GRIA4: variants seen among roughly 807,000 people sequenced by gnomAD.
The protein encoded by GRIA4 is glutamate ionotropic receptor AMPA type subunit 4, also known as glutamate receptor 4.
A neutral mutation model predicts 104.0 loss-of-function variants in GRIA4; 34 were observed. That is an observed-to-expected ratio of 0.33 (90% CI 0.25 to 0.44). The LOEUF is 0.44. Among genes scored for constraint, GRIA4 ranks in the 20% least tolerant of loss-of-function variants. The probability of loss-of-function intolerance (pLI) is 1.00; values close to 1 mark genes in which losing one functional copy is unlikely to be tolerated. For synonymous variants in GRIA4, 386 were observed against 381.9 expected (o/e 1.01, Z -0.13); for missense variants, 750 against 1,096.5 (o/e 0.68, Z 4.46).
At chr11:105,738,929 A>AT (rs1939128915) in intron 3 of GRIA4, among the ~76,000 whole-genome samples, 1 of 114,438 alleles carries the variant, frequency 8.7e-6, no homozygotes, top group Non-Finnish European at 2.0e-5. Context: ...GTAAAAAAAA[A>AT]CAAAAAAAAA....
intron 4 of GRIA4, among the ~76,000 whole-genome samples, chr11:105,769,365 T>C (rs1011395549): frequency 6.6e-6 from 1 of 152,032 alleles, no homozygotes; most frequent in Non-Finnish European, 1.5e-5. Context: ...TGAGTAGATC[T>C]TAAAGACTAA....
intron 4 of GRIA4, among the ~76,000 whole-genome samples, chr11:105,754,887 A>G (rs1033317537): frequency 2.6e-5 from 4 of 152,226 alleles, no homozygotes; most frequent in African/African-American, 9.6e-5. Flanking sequence ...CAATATCTCA[A>G]TAAATTTTGT....
At chr11:105,813,161 G>A (rs1943247492) in intron 4 of GRIA4, among the ~76,000 whole-genome samples, 1 of 150,986 alleles carries the variant, frequency 6.6e-6, no homozygotes, top group African/African-American at 2.4e-5. Context: ...TCCTCATCTA[G>A]GCTGGGAAAT....
At chr11:105,696,145 C>T (rs945072443) in intron 3 of GRIA4, among the ~76,000 whole-genome samples, 2 of 152,194 alleles carry the variant, frequency 1.3e-5, no homozygotes, top group Admixed American at 1.3e-4. Flanking sequence ...CCCACCTCAT[C>T]TTCCTTGGGT....
chr11:105,949,708 G>C (rs544460957), intron 14 of GRIA4, among the ~76,000 whole-genome samples: 2 of 152,166 alleles, frequency 1.3e-5, no homozygotes, highest in African/African-American at 4.8e-5. Context: ...AAAATGTTAA[G>C]AAATTCAGAA....
At chr11:105,780,246 C>T (rs1357035089) in intron 4 of GRIA4, among the ~76,000 whole-genome samples, 1 of 152,104 alleles carries the variant, frequency 6.6e-6, no homozygotes, top group Non-Finnish European at 1.5e-5. Flanking sequence ...GATGCAGGCT[C>T]TGTTGTTAGT....
At chr11:105,689,005 A>C (rs141104820) in intron 3 of GRIA4, among the ~76,000 whole-genome samples, 1 of 152,302 alleles carries the variant, frequency 6.6e-6, no homozygotes, top group African/African-American at 2.4e-5. Context: ...CTGGCAGATG[A>C]AAAGCAAGGG....
chr11:105,707,145 C>T (rs141057123), intron 3 of GRIA4: 2 of 153,484 alleles, frequency 1.3e-5, no homozygotes, highest in African/African-American at 4.8e-5. Flanking sequence ...AGTCAGAACC[C>T]CTGGCTTTGA....
chr11:105,807,406 T>C (rs1942996220), intron 4 of GRIA4, among the ~76,000 whole-genome samples: 1 of 151,876 alleles, frequency 6.6e-6, no homozygotes, highest in Admixed American at 6.6e-5. Context: ...AGTCAAGATA[T>C]AGCAGTACAA....
At chr11:105,902,672 T>C (rs954860274) in intron 7 of GRIA4, among the ~76,000 whole-genome samples, 4 of 152,174 alleles carry the variant, frequency 2.6e-5, no homozygotes, top group African/African-American at 9.7e-5. Flanking sequence ...TCAAATGATT[T>C]TTCTTCATTT....
chr11:105,836,404 G>A (rs1944187637), intron 4 of GRIA4, among the ~76,000 whole-genome samples: 1 of 152,068 alleles, frequency 6.6e-6, no homozygotes, highest in African/African-American at 2.4e-5. Context: ...ATTCCACTGA[G>A]AATAATCATG....
chr11:105,806,345 T>G (rs1203442233), intron 4 of GRIA4, among the ~76,000 whole-genome samples: 3 of 151,684 alleles, frequency 2.0e-5, no homozygotes, highest in Non-Finnish European at 4.4e-5. Context: ...AACAGAGAGA[T>G]AGAACAAAGG....
At chr11:105,876,772 T>A (rs980099424) in intron 5 of GRIA4, among the ~76,000 whole-genome samples, 1 of 152,176 alleles carries the variant, frequency 6.6e-6, no homozygotes, top group African/African-American at 2.4e-5. Context: ...GCTTGATAAA[T>A]CTTCCTCCAT....
Position 105,924,670 on chromosome 11 carries a change from A to G in GRIA4, c.1748A>G (p.Glu583Gly). The G allele has an allele frequency of 6.2e-7, 1 of 1,613,098 alleles. No individual in the cohort carries two copies. Among genetic ancestry groups the G allele is most frequent in the Non-Finnish European group, 8.5e-7 (1 of 1,179,410 alleles). ...ACAGAAGAGCCAGAGGACGGAAAGGAAGGACCCAGCGACCAGCCTCCCAAT... is the reference window on the plus strand; with the variant it reads ...ACAGAAGAGCCAGAGGACGGAAAGGGAGGACCCAGCGACCAGCCTCCCAAT... Reference protein sequence around the residue: ...WHTEEPEDGKEGPSDQPPNEF... With the variant: ...WHTEEPEDGKGGPSDQPPNEF... Residue 583 changes from glutamate to glycine, a missense_variant, in exon 12 of 17, where the codon GAA (glutamate) becomes GGA (glycine). This residue lies in a region of GRIA4 where 272 missense variants were observed against 524.5 expected (regional missense o/e 0.52). Transcript: ENST00000282499.
intron 3 of GRIA4, among the ~76,000 whole-genome samples, chr11:105,670,392 C>T (rs190737277): frequency 1.3e-5 from 2 of 152,138 alleles, no homozygotes; most frequent in East Asian, 1.9e-4. Context: ...AAACAGAGGC[C>T]CTGGGAAAGA....
At chr11:105,616,699 A>T (rs1310139879) in intron 3 of GRIA4, among the ~76,000 whole-genome samples, 1 of 151,722 alleles carries the variant, frequency 6.6e-6, no homozygotes, top group Non-Finnish European at 1.5e-5. Flanking sequence ...AATTCTGATG[A>T]TTTGACTTGC....
At chr11:105,954,156 A>G (rs983295385) in intron 14 of GRIA4, among the ~76,000 whole-genome samples, 17 of 152,222 alleles carry the variant, frequency 1.1e-4, no homozygotes, top group Non-Finnish European at 2.1e-4. Context: ...AATAAAGTAG[A>G]GCCCTCATAG....
Position 105,890,267 on chromosome 11 carries a change from A to AG in GRIA4, c.726+2697dup, listed in dbSNP as rs1366050109. On this transcript the variant is annotated intron_variant, in intron 6 of 16. Transcript: ENST00000282499. ...CCCTGGAGAAACTGAGTTTAAATAT[A>AG]GGTGTTCTTTAGATTCTTTAAAAAT... 3.3e-5 allele frequency among the ~76,000 whole-genome samples: 5 copies of AG among 152,202 alleles called. No individual in the cohort carries two copies. The South Asian group carries it at 6.2e-4, about 19-fold the overall frequency.
At chr11:105,739,322 GA>G (rs1939167222) in intron 3 of GRIA4, among the ~76,000 whole-genome samples, 1 of 152,122 alleles carries the variant, frequency 6.6e-6, no homozygotes, top group Non-Finnish European at 1.5e-5. Flanking sequence ...ATTTAGAATT[GA>G]AATGTGCTTT....
Sources: allele counts gnomAD v4.1 joint callset (sites outside exome capture counted in the v4.1 genomes callset), GRCh38; gene constraint gnomAD v4.1.1; regional missense constraint gnomAD v4.1.1; transcripts MANE v1.5; gene names NCBI Gene and HGNC (gene_info 2026-07-23, HGNC 2026-07-21).